CTTN: variants seen among roughly 807,000 people sequenced by gnomAD.
CTTN encodes src substrate cortactin.
In CTTN, 28 loss-of-function variants were observed where a neutral mutation model predicts 84.0. The ratio of observed to expected loss-of-function variants is 0.33; its 90% CI spans 0.25 to 0.46. CTTN has a LOEUF of 0.46. Ranked by LOEUF, CTTN falls within the 20% of genes least tolerant of loss-of-function variation. CTTN has a pLI of 1.00. For synonymous variants in CTTN, 301 were observed against 288.8 expected, an observed-to-expected ratio of 1.04 and a Z score of -0.43; for missense variants, 641 against 723.8, an observed-to-expected ratio of 0.89 and a Z score of 1.31.
intron 1 of CTTN, among the ~76,000 whole-genome samples, chr11:70,401,843 A>G (rs1311123113): frequency 6.7e-6 from 1 of 149,764 alleles, no homozygotes; most frequent in East Asian, 1.9e-4. Flanking sequence ...CAGAAAAAAA[A>G]AAGAAAAAAA....
rs775796530 is a variant in CTTN, at chr11:70,436,083, C to T, written c.*921C>T. The stretch of plus-strand genomic sequence containing the variant: ...GCCTTGGGAAGGAAGGCAGTGCCTG[C>T]TCTGCTGTGAGCCGCCAGGAACCCT... On this transcript the variant is annotated 3_prime_UTR_variant, in exon 18 of 18. Coordinates refer to ENST00000301843, the MANE Select transcript of CTTN (RefSeq NM_005231.4). 3 of 1,426,820 alleles carry T rather than the reference C, an allele frequency of 2.1e-6. No individual in the cohort carries two copies. The East Asian group carries it at 7.6e-5, about 36-fold the overall frequency. 88.4% of individuals were successfully genotyped at this position (1,426,820 alleles called of 1,614,324 possible).
intron 13 of CTTN, among the ~76,000 whole-genome samples, chr11:70,428,572 C>T (rs1273171582): frequency 6.6e-6 from 1 of 152,094 alleles, no homozygotes; most frequent in Non-Finnish European, 1.5e-5. Flanking sequence ...CTTCCCGTCT[C>T]AACCTCCCAA....
chr11:70,429,276 G>T, intron 14 of CTTN, 77 bp downstream of exon 14: 9 of 1,516,120 alleles, frequency 5.9e-6, no homozygotes, highest in South Asian at 3.5e-5. Flanking sequence ...TGGGGCCTGG[G>T]CGGGGCTTAT....
At position 70,417,101 on chromosome 11, in the gene CTTN, G is replaced by A. The variant is rs542706268; in HGVS notation, c.546G>A (p.Thr182=). The A allele has an allele frequency of 3.1e-5, 50 of 1,614,148 alleles. No homozygotes were observed. The African/African-American group carries it at 3.6e-4, about 12-fold the overall frequency. ...SAVGFDYQGK[T]EKHESQRDYS... ...TGGGCTTCGACTACCAGGGCAAGAC[G>A]GAGAAGCACGAGTCACAGAGAGGTG... The change falls in exon 8 of 18, where the codon ACG becomes ACA. Residue 182 remains threonine, a synonymous_variant. Transcript: ENST00000301843.
Position 70,435,098 on chromosome 11 carries a change from G to T in CTTN, c.1589G>T (p.Trp530Leu). 6.2e-7 allele frequency: 1 copy of T among 1,614,020 alleles called. No homozygotes were observed. Among genetic ancestry groups the T allele is most frequent in the Non-Finnish European group, 8.5e-7 (1 of 1,180,044 alleles). ...TNIEMIDDGW[W>L]RGVCKGRYGL... ...ATCGAGATGATTGACGACGGCTGGTGGCGCGGGGTGTGCAAGGGCCGGTAC... is the reference window on the plus strand; with the variant it reads ...ATCGAGATGATTGACGACGGCTGGTTGCGCGGGGTGTGCAAGGGCCGGTAC... Residue 530 changes from tryptophan (W) to leucine (L), a missense_variant, in exon 18 of 18, where the codon TGG (tryptophan) becomes TTG (leucine). Physicochemically the swap from Trp to Leu is moderately conservative, Grantham distance 61. Coordinates refer to ENST00000301843, the MANE Select transcript of CTTN (RefSeq NM_005231.4).
intron 15 of CTTN, 108 bp from the exon 16 acceptor site, chr11:70,432,993 G>A (rs2058371794): frequency 5.8e-6 from 7 of 1,200,872 alleles, no homozygotes; most frequent in Non-Finnish European, 8.3e-6. Flanking sequence ...TCCTGGCTGG[G>A]ACTGAGAATT....
chr11:70,421,532 G>A lies in CTTN; in HGVS notation c.853G>A (p.Val285Met). The A allele has an allele frequency of 6.2e-7, 1 of 1,614,184 alleles. No individual in the cohort carries two copies. The highest frequency in any genetic ancestry group is 1.1e-5 in the South Asian group (1 of 91,080). Residue 285 changes from valine (V) to methionine (M), a missense_variant, in exon 11 of 18, where the codon GTG (valine) becomes ATG (methionine). Val to Met is a conservative substitution (Grantham distance 21, BLOSUM62 1). Around this residue, in one of 3 missense-constraint regions of CTTN, gnomAD observed 289 missense variants for 273.1 expected, o/e 1.06. Transcript: ENST00000301843. The part of the protein sequence containing the change: ...VQSERQDSAA[V>M]GFDYKEKLAK... ...GTCGGAGAGGCAGGACTCCGCTGCTGTGGGGTTTGATTACAAGGAGAAGCT... is the reference window on the plus strand; with the variant it reads ...GTCGGAGAGGCAGGACTCCGCTGCTATGGGGTTTGATTACAAGGAGAAGCT...
intron 13 of CTTN, among the ~76,000 whole-genome samples, chr11:70,427,386 G>A (rs1479558635): frequency 1.3e-5 from 2 of 152,212 alleles, no homozygotes; most frequent in African/African-American, 4.8e-5. Context: ...GCCATGCACA[G>A]TGGCTCATTC....
chr11:70,400,687 G>A (rs1437554822), intron 1 of CTTN, among the ~76,000 whole-genome samples: 1 of 152,256 alleles, frequency 6.6e-6, no homozygotes, highest in Non-Finnish European at 1.5e-5. Context: ...GTGCCACGCA[G>A]TAGGTGCTCA....
At chr11:70,417,154 C>T (rs766589155) in intron 8 of CTTN, 31 bp downstream of exon 8, 12 of 1,553,722 alleles carry the variant, frequency 7.7e-6, no homozygotes, top group African/African-American at 2.7e-5. Flanking sequence ...TGTAATCACG[C>T]GTTTGCTCCA....
rs761150029 is a variant in CTTN, at chr11:70,435,724, C to A, written c.*562C>A. 28 of 1,597,758 alleles carry A rather than the reference C, an allele frequency of 1.8e-5. No individual in the cohort carries two copies. Among genetic ancestry groups the A allele is most frequent in the Middle Eastern group, 1.6e-4 (1 of 6,066 alleles). ...GATGGGAAATCTGCCTATGTCATAC[C>A]GTGACAGCCCGCAGGATCAGGTGAC... On this transcript the variant is annotated 3_prime_UTR_variant, in exon 18 of 18. Transcript: ENST00000301843.
intron 1 of CTTN, among the ~76,000 whole-genome samples, chr11:70,401,963 C>T (rs531491323): frequency 1.3e-5 from 2 of 152,162 alleles, no homozygotes; most frequent in South Asian, 4.2e-4. Flanking sequence ...TCAGCCTGGA[C>T]CAACATAATG....
chr11:70,428,208 G>C (rs1026285350), intron 13 of CTTN, among the ~76,000 whole-genome samples: 1 of 130,448 alleles, frequency 7.7e-6, no homozygotes. Context: ...GCTCTGTCGC[G>C]AGACTGGAGT....
At chr11:70,407,200 T>C in intron 2 of CTTN, 98 bp from the exon 3 acceptor site, 1 of 912,628 alleles carries the variant, frequency 1.1e-6, no homozygotes. Flanking sequence ...CCTCCTGGGT[T>C]GCCTAGAATC....
chr11:70,415,763 TG>T (rs756967870), intron 7 of CTTN, 46 bp downstream of exon 7: 1 of 1,593,542 alleles, frequency 6.3e-7, no homozygotes, highest in South Asian at 1.1e-5. Flanking sequence ...GGGGCCCCGA[TG>T]GGGAGAGTCA....
At chr11:70,412,438 T>G (rs1304333124) in intron 5 of CTTN, among the ~76,000 whole-genome samples, 1 of 151,972 alleles carries the variant, frequency 6.6e-6, no homozygotes, top group Non-Finnish European at 1.5e-5. Context: ...ATAAATAGAT[T>G]AAACTCAGAT....
intron 5 of CTTN, among the ~76,000 whole-genome samples, chr11:70,414,297 A>AC (rs900147633): frequency 1.4e-5 from 2 of 144,832 alleles, no homozygotes; most frequent in African/African-American, 5.2e-5. Context: ...GTGAGCCGAG[A>AC]CCCCGCCACT....
rs567805186 is a variant in CTTN at position 70,419,843 on chromosome 11, C to T, written c.666C>T (p.His222=). The T allele has an allele frequency of 1.4e-5, 22 of 1,613,180 alleles. No homozygotes were observed. The highest frequency in any genetic ancestry group is 4.5e-5 in the East Asian group (2 of 44,880). Residue 222 remains histidine, a synonymous_variant, in exon 9 of 18, where the codon CAC becomes CAT. Coordinates refer to ENST00000301843, the MANE Select transcript of CTTN (RefSeq NM_005231.4). Reference sequence around the variant, plus strand: ...AGTATCAAGGCAAAACGGAGAAGCACGAGTCCCAGAAAGGTGTCTTCCGTT... The same window carrying T: ...AGTATCAAGGCAAAACGGAGAAGCATGAGTCCCAGAAAGGTGTCTTCCGTT... The part of the protein sequence containing the change: ...GFEYQGKTEK[H]ESQKDYVKGF...
At chr11:70,434,083 G>A (rs994423224) in intron 17 of CTTN, among the ~76,000 whole-genome samples, 28 of 152,196 alleles carry the variant, frequency 1.8e-4, no homozygotes, top group Non-Finnish European at 3.4e-4. Flanking sequence ...CTTGATGTTC[G>A]AGACCCCATT....
Sources: gnomAD v4.1 joint callset for allele counts (sites outside exome capture counted in the v4.1 genomes callset) on GRCh38, gnomAD v4.1.1 for gene constraint, gnomAD v4.1.1 regional missense constraint, MANE v1.5 for transcripts, NCBI Gene and HGNC (gene_info 2026-07-23, HGNC 2026-07-21) for gene names.